The following CNTNAP2 variants were observed in gnomAD, a reference collection of about 807,000 sequenced individuals.
The protein encoded by CNTNAP2 is contactin associated protein 2, also known as contactin-associated protein-like 2.
CNTNAP2 carries 98 observed loss-of-function variants against 155.2 expected under a neutral mutation model. The observed-to-expected ratio is 0.63, with a 90% CI of 0.54 to 0.75. CNTNAP2 has a LOEUF of 0.75. Among genes scored for constraint, CNTNAP2 ranks in the 30% least tolerant of loss-of-function variants. The pLI, the probability that CNTNAP2 is intolerant of heterozygous loss-of-function variation, is 0.00. For missense variants in CNTNAP2, 1,727 were observed against 1,688.1 expected, an observed-to-expected ratio of 1.02 and a Z score of -0.40; for synonymous variants, 651 against 631.2, an observed-to-expected ratio of 1.03 and a Z score of -0.47.
At chr7:147,032,918 A>T (rs1271503205) in intron 3 of CNTNAP2, among the ~76,000 whole-genome samples, 2 of 151,994 alleles carry the variant, frequency 1.3e-5, no homozygotes, top group Admixed American at 1.3e-4. Flanking sequence ...CCTATTGAAT[A>T]CCATCATCAT....
At chr7:146,947,527 A>G (rs1333250916) in intron 3 of CNTNAP2, among the ~76,000 whole-genome samples, 5 of 124,770 alleles carry the variant, frequency 4.0e-5, no homozygotes, top group Non-Finnish European at 4.9e-5. Flanking sequence ...GTGTGTATGT[A>G]TGTGTGTGTG....
At position 147,120,444 on chromosome 7, in the gene CNTNAP2, C is replaced by T. The variant is rs148302809; in HGVS notation, c.755-535C>T. 2.6e-5 allele frequency among the ~76,000 whole-genome samples: 4 copies of T among 152,180 alleles called. No homozygotes were observed. In the East Asian group the frequency reaches 7.7e-4, roughly 29 times the overall value. On this transcript the variant is annotated intron_variant, in intron 5 of 23. Coordinates refer to ENST00000361727, the MANE Select transcript of CNTNAP2 (RefSeq NM_014141.6). Reference sequence around the variant, plus strand: ...CCCAGAAGGCTTCTGTAAAAGCCCACGTGACACTGACTTTATAACAAACCT... The same window carrying T: ...CCCAGAAGGCTTCTGTAAAAGCCCATGTGACACTGACTTTATAACAAACCT...
chr7:147,853,864 G>T (rs1027586831), intron 13 of CNTNAP2, among the ~76,000 whole-genome samples: 1 of 152,184 alleles, frequency 6.6e-6, no homozygotes, highest in Admixed American at 6.5e-5. Context: ...GCATGTTTAT[G>T]CTGCAAAGTG....
intron 1 of CNTNAP2, among the ~76,000 whole-genome samples, chr7:146,446,652 A>G (rs1796406995): frequency 6.6e-6 from 1 of 152,140 alleles, no homozygotes. Context: ...GGTAGCTCCC[A>G]GGTGGATTCT....
intron 16 of CNTNAP2, among the ~76,000 whole-genome samples, chr7:148,118,679 T>C (rs950977330): frequency 1.3e-5 from 2 of 151,766 alleles, no homozygotes; most frequent in Non-Finnish European, 2.9e-5. Flanking sequence ...CATGTCAAGG[T>C]CAAGGAAGAC....
At chr7:147,239,333 C>T (rs763086496) in intron 8 of CNTNAP2, among the ~76,000 whole-genome samples, 57 of 151,670 alleles carry the variant, frequency 3.8e-4, no homozygotes, top group Admixed American at 1.3e-3. Context: ...TGGTGAAATC[C>T]CGTCTCTACT....
chr7:146,293,670 T>C (rs1299931943), intron 1 of CNTNAP2, among the ~76,000 whole-genome samples: 5 of 152,194 alleles, frequency 3.3e-5, no homozygotes, highest in African/African-American at 9.7e-5. Context: ...TATATGGCTT[T>C]TGATGCTCTC....
At chr7:146,370,260 TAAAAAAAAAA>T (rs34996621) in intron 1 of CNTNAP2, among the ~76,000 whole-genome samples, 15 of 87,596 alleles carry the variant, frequency 1.7e-4, no homozygotes, top group East Asian at 6.1e-4. Context: ...ATCTCTACTT[TAAAAAAAAAA>T]AAAAAAAAAA....
intron 15 of CNTNAP2, among the ~76,000 whole-genome samples, chr7:148,053,046 C>CA (rs1043269020): frequency 6.6e-6 from 1 of 151,732 alleles, no homozygotes; most frequent in Admixed American, 6.6e-5. Context: ...GACTCCGTCT[C>CA]AAAAAAACAA....
At chr7:147,724,914 A>C (rs1796620202) in intron 13 of CNTNAP2, among the ~76,000 whole-genome samples, 1 of 152,016 alleles carries the variant, frequency 6.6e-6, no homozygotes, top group Admixed American at 6.6e-5. Context: ...TGAATGACTA[A>C]GTGCTTTTTA....
At chr7:148,368,690 C>T (rs1040821129) in intron 21 of CNTNAP2, among the ~76,000 whole-genome samples, 2 of 152,138 alleles carry the variant, frequency 1.3e-5, no homozygotes, top group South Asian at 2.1e-4. Flanking sequence ...CCAAGCTACC[C>T]GAGTGAGCAA....
intron 1 of CNTNAP2, among the ~76,000 whole-genome samples, chr7:146,274,364 A>T (rs1800130971): frequency 6.6e-6 from 1 of 152,178 alleles, no homozygotes; most frequent in African/African-American, 2.4e-5. Context: ...TTGCGTTCTG[A>T]GTTGAATATC....
intron 1 of CNTNAP2, among the ~76,000 whole-genome samples, chr7:146,433,721 C>T (rs1796204113): frequency 6.6e-6 from 1 of 152,088 alleles, no homozygotes; most frequent in African/African-American, 2.4e-5. Flanking sequence ...TGTGGAGTGT[C>T]GTACAGACAA....
At chr7:147,089,008 G>A (rs1224721566) in intron 4 of CNTNAP2, among the ~76,000 whole-genome samples, 1 of 147,108 alleles carries the variant, frequency 6.8e-6, no homozygotes, top group East Asian at 1.9e-4. Flanking sequence ...GATAGAGAGA[G>A]AAAGAGAGAA....
intron 8 of CNTNAP2, among the ~76,000 whole-genome samples, chr7:147,259,574 G>A (rs768627465): frequency 9.2e-5 from 14 of 152,272 alleles, no homozygotes; most frequent in Non-Finnish European, 1.8e-4. Flanking sequence ...AAATTCAAAC[G>A]TAATTTTCTG....
At chr7:147,127,586 A>G (rs539908312) in intron 6 of CNTNAP2, among the ~76,000 whole-genome samples, 1 of 152,252 alleles carries the variant, frequency 6.6e-6, no homozygotes, top group East Asian at 1.9e-4. Flanking sequence ...CACCCCATCA[A>G]ACATGCTCTG....
intron 1 of CNTNAP2, among the ~76,000 whole-genome samples, chr7:146,721,168 CTATATATTCCATATATATATTCTCTA>C (rs1801294777): frequency 1.5e-5 from 2 of 130,678 alleles, no homozygotes; most frequent in Non-Finnish European, 3.1e-5. Flanking sequence ...TATATTCTCT[CTATATATTCCATATATATATTCTCTA>C]TATATATTCT....
chr7:146,231,574 T>C (rs1799386018), intron 1 of CNTNAP2, among the ~76,000 whole-genome samples: 1 of 152,230 alleles, frequency 6.6e-6, no homozygotes, highest in African/African-American at 2.4e-5. Flanking sequence ...GCAGAAACTC[T>C]GTGCTTTTGC....
chr7:147,763,792 GAGCTA>G lies in CNTNAP2; in HGVS notation c.2098+124489_2098+124493del, dbSNP rs1797344088. Among the ~76,000 whole-genome samples the G allele has an allele frequency of 2.0e-5, 3 of 152,172 alleles. No homozygotes were observed. In the South Asian group the frequency reaches 6.2e-4, roughly 32 times the overall value. On this transcript the variant is annotated intron_variant, in intron 13 of 23. Transcript: ENST00000361727. Reference sequence around the variant, plus strand: ...ACCCAACACAGAGCAGCAGTGTGGGGAGCTAAGTCAAGTTGAGAAGAATATTCTTG... The same window carrying G: ...ACCCAACACAGAGCAGCAGTGTGGGGAGTCAAGTTGAGAAGAATATTCTTG...
Sources: allele counts gnomAD v4.1 joint callset (sites outside exome capture counted in the v4.1 genomes callset), GRCh38; gene constraint gnomAD v4.1.1; transcripts MANE v1.5; gene names NCBI Gene and HGNC (gene_info 2026-07-23, HGNC 2026-07-21).